Variants in LCP1 observed in about 807,000 individuals in gnomAD.
The protein encoded by LCP1 is plastin-2.
A neutral mutation model predicts 72.0 loss-of-function variants in LCP1; 23 were observed. The observed-to-expected ratio is 0.32, with a 90% CI of 0.23 to 0.45. The LOEUF (loss-of-function observed/expected upper bound fraction) is 0.45. Among genes scored for constraint, LCP1 ranks in the 20% least tolerant of loss-of-function variants. The pLI, the probability that LCP1 is intolerant of heterozygous loss-of-function variation, is 1.00. For synonymous variants in LCP1, 245 were observed against 275.4 expected (o/e 0.89, Z 1.09); for missense variants, 571 against 748.3 (o/e 0.76, Z 2.76).
chr13:46,146,886 T>G lies in LCP1; in HGVS notation c.1174+22A>C, dbSNP rs765273922. ...GAATTGTGAGTGCCTTTCCCCATCT[T>G]AGGCAAATCGTTTACAGTTACCTTC... On this transcript the variant is annotated intron_variant, in intron 10 of 15. Coordinates refer to ENST00000323076, the MANE Select transcript of LCP1 (RefSeq NM_002298.5). The G allele has an allele frequency of 3.7e-6, 6 of 1,612,736 alleles. No homozygotes were observed. The East Asian group carries it at 1.3e-4, about 36-fold the overall frequency.
chr13:46,158,460 T>G, intron 4 of LCP1, 62 bp downstream of exon 4: 1 of 1,580,002 alleles, frequency 6.3e-7, no homozygotes, highest in Non-Finnish European at 8.6e-7. Context: ...CCCTTAGGTT[T>G]GAATACCAAG....
chr13:46,133,361 C>T (rs1048856785), intron 14 of LCP1, among the ~76,000 whole-genome samples: 1 of 152,202 alleles, frequency 6.6e-6, no homozygotes, highest in East Asian at 1.9e-4. Flanking sequence ...TGGTGGCTCA[C>T]GCCTATAATC....
At chr13:46,134,296 T>C in intron 13 of LCP1, 46 bp from the exon 14 acceptor site, 1 of 1,583,968 alleles carries the variant, frequency 6.3e-7, no homozygotes, top group Non-Finnish European at 8.6e-7. Flanking sequence ...TGCTAAAGAA[T>C]TTAATATAAA....
chr13:46,143,436 A>C, intron 11 of LCP1, 32 bp from the exon 12 acceptor site: 5 of 1,441,178 alleles, frequency 3.5e-6, no homozygotes, highest in Admixed American at 1.7e-5. Flanking sequence ...GGATTCTCAG[A>C]TATCCAACAT....
chr13:46,159,819 C>A (rs2045826967), intron 1 of LCP1, 133 bp from the exon 2 acceptor site: 2 of 626,858 alleles, frequency 3.2e-6, no homozygotes, highest in East Asian at 2.8e-5. Flanking sequence ...ACTATCTTTC[C>A]AAAATGTAAG....
intron 1 of LCP1, among the ~76,000 whole-genome samples, chr13:46,167,157 T>C (rs2045881096): frequency 6.6e-6 from 1 of 152,184 alleles, no homozygotes; most frequent in Non-Finnish European, 1.5e-5. Flanking sequence ...GGGAAGGCTA[T>C]TCAGGAGGAG....
At chr13:46,169,760 T>G (rs2045895427) in intron 1 of LCP1, 1 of 152,292 alleles carries the variant, frequency 6.6e-6, no homozygotes, top group Admixed American at 6.5e-5. Flanking sequence ...GTACATTGAT[T>G]CTTGACCTTG....
At chr13:46,166,755 T>G (rs1434654598) in intron 1 of LCP1, among the ~76,000 whole-genome samples, 1 of 152,222 alleles carries the variant, frequency 6.6e-6, no homozygotes, top group African/African-American at 2.4e-5. Context: ...AAGATTAATC[T>G]ATTTAAGGAA....
intron 13 of LCP1, among the ~76,000 whole-genome samples, chr13:46,134,669 A>G (rs569883112): frequency 2.0e-5 from 3 of 152,334 alleles, no homozygotes; most frequent in Admixed American, 6.5e-5. Context: ...TTTGCCTTAT[A>G]TAAGTAAAAA....
At position 46,158,987 on chromosome 13, in the gene LCP1, T is replaced by C. The variant is rs774067627; in HGVS notation, c.67A>G (p.Thr23Ala). The change falls in exon 3 of 16, where the codon ACT becomes GCT. Residue 23 changes from threonine to alanine, a missense_variant and splice_region_variant. Coordinates refer to ENST00000323076, the MANE Select transcript of LCP1 (RefSeq NM_002298.5). ...ELREAFAKVDTDGNGYISFNE... is the reference protein window; with the variant it reads ...ELREAFAKVDADGNGYISFNE... Reference sequence around the variant, plus strand: ...AAGCTGATGTATCCATTGCCATCAGTATCTGTAATGTACACAATATACTGA... The same window carrying C: ...AAGCTGATGTATCCATTGCCATCAGCATCTGTAATGTACACAATATACTGA... The C allele has an allele frequency of 2.5e-6, 4 of 1,613,956 alleles. No homozygotes were observed. In the South Asian group the frequency reaches 4.4e-5, roughly 18 times the overall value.
intron 10 of LCP1, 71 bp from the exon 11 acceptor site, chr13:46,144,591 TA>T: frequency 1.0e-6 from 1 of 992,286 alleles, no homozygotes; most frequent in Non-Finnish European, 1.6e-6. Flanking sequence ...AAAGTTTAAC[TA>T]AAGAGGATGC....
chr13:46,169,200 T>G (rs1052037943), intron 1 of LCP1, among the ~76,000 whole-genome samples: 5 of 152,242 alleles, frequency 3.3e-5, no homozygotes, highest in Non-Finnish European at 7.3e-5. Context: ...GACTCTTCTC[T>G]TTAATTAAGA....
At chr13:46,144,838 G>T (rs773624032) in intron 10 of LCP1, among the ~76,000 whole-genome samples, 7 of 152,164 alleles carry the variant, frequency 4.6e-5, no homozygotes, top group Non-Finnish European at 8.8e-5. Flanking sequence ...GATCATACAA[G>T]CTACAGAACT....
intron 6 of LCP1, among the ~76,000 whole-genome samples, chr13:46,154,448 T>C (rs1886045): frequency 0.45 from 68,477 of 152,036 alleles, 16,778 homozygotes; most frequent in East Asian, 0.58. Context: ...GTACTTCCCG[T>C]TTTTCACCCC....
intron 8 of LCP1, among the ~76,000 whole-genome samples, chr13:46,149,563 T>A (rs2045751213): frequency 6.6e-6 from 1 of 152,162 alleles, no homozygotes; most frequent in African/African-American, 2.4e-5. Flanking sequence ...CTTTGCCAAT[T>A]TACACGATTT....
chr13:46,172,182 C>T (rs2045907827), intron 1 of LCP1, among the ~76,000 whole-genome samples: 1 of 152,148 alleles, frequency 6.6e-6, no homozygotes, highest in Non-Finnish European at 1.5e-5. Flanking sequence ...GCATTTCAGG[C>T]AGAGAAAATA....
At chr13:46,165,903 G>C (rs761510741) in intron 1 of LCP1, among the ~76,000 whole-genome samples, 1 of 150,548 alleles carries the variant, frequency 6.6e-6, no homozygotes. Flanking sequence ...CAAGACGTTG[G>C]CCAAAAAAAA....
intron 13 of LCP1, among the ~76,000 whole-genome samples, chr13:46,141,491 A>G (rs2045698580): frequency 6.6e-6 from 1 of 152,004 alleles, no homozygotes; most frequent in African/African-American, 2.4e-5. Context: ...TCTTAAAATA[A>G]GCCAGAAAAG....
At chr13:46,149,647 C>T (rs886096352) in intron 8 of LCP1, among the ~76,000 whole-genome samples, 8 of 152,192 alleles carry the variant, frequency 5.3e-5, no homozygotes, top group Non-Finnish European at 1.0e-4. Context: ...TGCCATGCAG[C>T]GGCTGCCAGA....
Sources: allele counts gnomAD v4.1 joint callset (sites outside exome capture counted in the v4.1 genomes callset), GRCh38; gene constraint gnomAD v4.1.1; transcripts MANE v1.5; gene names NCBI Gene and HGNC (gene_info 2026-07-23, HGNC 2026-07-21).